Variants in IQCJ observed in about 807,000 individuals in gnomAD.
IQCJ encodes the protein IQ domain-containing protein J.
In IQCJ, 9 loss-of-function variants were observed where a neutral mutation model predicts 11.0. The observed-to-expected ratio is 0.82, with a 90% CI of 0.49 to 1.43. The LOEUF (loss-of-function observed/expected upper bound fraction) is 1.43, where lower values mean the gene tolerates loss of function less well. Ranked by LOEUF, IQCJ falls within the 40% of genes most tolerant of loss-of-function variation. The pLI is 0.00. For missense variants in IQCJ, 146 were observed against 133.2 expected (o/e 1.10, Z -0.47); for synonymous variants, 55 against 51.3 (o/e 1.07, Z -0.31).
At chr3:159,093,043 G>A (rs1717450508) in intron 1 of IQCJ, among the ~76,000 whole-genome samples, 1 of 151,734 alleles carries the variant, frequency 6.6e-6, no homozygotes, top group African/African-American at 2.4e-5. Flanking sequence ...CTCGGTGGTA[G>A]TTCAAACTTT....
intron 1 of IQCJ, among the ~76,000 whole-genome samples, chr3:159,241,458 T>G (rs13083887): frequency 0.09 from 13,679 of 152,040 alleles, 871 homozygotes; most frequent in Middle Eastern, 0.13. Flanking sequence ...AGAATGAAAC[T>G]TAAAAGTCCA....
intron 1 of IQCJ, among the ~76,000 whole-genome samples, chr3:159,074,343 G>A (rs1715778132): frequency 6.6e-6 from 1 of 151,910 alleles, no homozygotes; most frequent in Non-Finnish European, 1.5e-5. Flanking sequence ...AGGATAAATA[G>A]GATTTTAAGT....
chr3:159,247,611 T>G (rs1022561183), intron 2 of IQCJ, among the ~76,000 whole-genome samples: 1 of 152,144 alleles, frequency 6.6e-6, no homozygotes, highest in Non-Finnish European at 1.5e-5. Context: ...CTCTTGGGCA[T>G]GGGGCAAGAA....
At chr3:159,165,262 A>G (rs910116025) in intron 1 of IQCJ, among the ~76,000 whole-genome samples, 3 of 152,246 alleles carry the variant, frequency 2.0e-5, no homozygotes, top group Admixed American at 6.5e-5. Flanking sequence ...TTCTATTTGC[A>G]TGTCCAAATA....
At chr3:159,090,652 T>C (rs868508886) in intron 1 of IQCJ, among the ~76,000 whole-genome samples, 2 of 151,628 alleles carry the variant, frequency 1.3e-5, no homozygotes, top group African/African-American at 4.9e-5. Flanking sequence ...GAAGCTGAGG[T>C]GAGAGTAGGA....
intron 2 of IQCJ, among the ~76,000 whole-genome samples, chr3:159,247,384 C>T (rs765731482): frequency 1.3e-5 from 2 of 152,260 alleles, no homozygotes; most frequent in African/African-American, 2.4e-5. Flanking sequence ...TGTGAGCCAC[C>T]GCGCCGGTCT....
chr3:159,230,025 T>C (rs1726152468), intron 1 of IQCJ, among the ~76,000 whole-genome samples: 1 of 150,630 alleles, frequency 6.6e-6, no homozygotes, highest in Non-Finnish European at 1.5e-5. Context: ...TACTTTTTCA[T>C]CCCATGTCCT....
intron 1 of IQCJ, among the ~76,000 whole-genome samples, chr3:159,080,462 C>T (rs576533513): frequency 2.0e-5 from 3 of 152,130 alleles, no homozygotes; most frequent in Non-Finnish European, 4.4e-5. Flanking sequence ...AGATTGGAAC[C>T]TTTTCAGCAG....
chr3:159,076,002 C>T (rs1472693952), intron 1 of IQCJ, among the ~76,000 whole-genome samples: 3 of 152,036 alleles, frequency 2.0e-5, no homozygotes, highest in East Asian at 1.9e-4. Flanking sequence ...ATCCTTGGGC[C>T]GCTCTTCTTA....
intron 1 of IQCJ, among the ~76,000 whole-genome samples, chr3:159,233,071 C>G (rs912858509): frequency 6.6e-6 from 1 of 152,144 alleles, no homozygotes; most frequent in East Asian, 1.9e-4. Context: ...TATTACTAAC[C>G]TTTTCTTTCT....
intron 1 of IQCJ, among the ~76,000 whole-genome samples, chr3:159,172,958 A>G (rs73164383): frequency 2.6e-4 from 40 of 152,322 alleles, no homozygotes; most frequent in Non-Finnish European, 5.3e-4. Flanking sequence ...TCACTGCGTA[A>G]GACAATATAT....
intron 1 of IQCJ, among the ~76,000 whole-genome samples, chr3:159,204,747 C>T (rs749140355): frequency 6.6e-6 from 1 of 152,106 alleles, no homozygotes; most frequent in Non-Finnish European, 1.5e-5. Context: ...AATAATAGGG[C>T]CAGGTCTTCA....
At position 159,263,635 on chromosome 3, in the gene IQCJ, C is replaced by A. The variant is rs1479340427; in HGVS notation, c.*904C>A. 9.1e-6 allele frequency: 9 copies of A among 985,122 alleles called. No individual in the cohort carries two copies. The highest frequency in any genetic ancestry group is 1.7e-5 in the African/African-American group (1 of 57,212). 61.0% of individuals were successfully genotyped at this position (985,122 alleles called of 1,614,324 possible). A position where few individuals can be genotyped will look rare whatever the true frequency, so the allele number is the denominator to read the frequency against. ...TTTACTTTTGGTTATCATGTTTATT[C>A]TGTGGTAAAAAGGTTTCCCAACACT... is the stretch of plus-strand genomic sequence containing the variant. On this transcript the variant is annotated 3_prime_UTR_variant, in exon 4 of 4. Coordinates refer to ENST00000397832, the MANE Select transcript of IQCJ (RefSeq NM_001042706.3).
At chr3:159,242,569 C>T (rs1726990711) in intron 1 of IQCJ, among the ~76,000 whole-genome samples, 1 of 139,848 alleles carries the variant, frequency 7.2e-6, no homozygotes, top group African/African-American at 2.6e-5. Context: ...CCAGCTGAAT[C>T]TTTTTTTTTT....
chr3:159,150,175 T>C (rs990224077), intron 1 of IQCJ, among the ~76,000 whole-genome samples: 13 of 152,142 alleles, frequency 8.5e-5, no homozygotes, highest in Non-Finnish European at 1.5e-4. Context: ...TGAATGCAAG[T>C]AGTCTCTTGG....
chr3:159,113,481 A>G (rs760226136), intron 1 of IQCJ, among the ~76,000 whole-genome samples: 2 of 152,256 alleles, frequency 1.3e-5, no homozygotes, highest in Non-Finnish European at 2.9e-5. Context: ...CGTCTGTCAC[A>G]GAGAAGCAAA....
chr3:159,138,062 T>C (rs1720398530), intron 1 of IQCJ, among the ~76,000 whole-genome samples: 5 of 152,218 alleles, frequency 3.3e-5, no homozygotes, highest in Admixed American at 3.3e-4. Flanking sequence ...GAAGTAAATG[T>C]AACTAGGTTT....
intron 1 of IQCJ, among the ~76,000 whole-genome samples, chr3:159,104,633 C>G (rs533179591): frequency 1.3e-5 from 2 of 152,296 alleles, no homozygotes; most frequent in East Asian, 1.9e-4. Flanking sequence ...GTGGCCTCCT[C>G]GCCCGCCATT....
chr3:159,152,538 A>G (rs942624229), intron 1 of IQCJ, among the ~76,000 whole-genome samples: 6 of 152,154 alleles, frequency 3.9e-5, no homozygotes, highest in Non-Finnish European at 7.3e-5. Flanking sequence ...CACTCACTAA[A>G]TGTGTGATTT....
Sources: gnomAD v4.1 joint callset for allele counts (sites outside exome capture counted in the v4.1 genomes callset) on GRCh38, gnomAD v4.1.1 for gene constraint, MANE v1.5 for transcripts, NCBI Gene and HGNC (gene_info 2026-07-23, HGNC 2026-07-21) for gene names.